The following LRPPRC variants were observed in gnomAD, a reference collection of about 807,000 sequenced individuals.
LRPPRC encodes the protein leucine-rich PPR motif-containing protein, mitochondrial.
In LRPPRC, 120 loss-of-function variants were observed where a neutral mutation model predicts 180.3. The ratio of observed to expected loss-of-function variants is 0.67; its 90% confidence interval spans 0.57 to 0.77. The LOEUF is 0.77. LRPPRC is among the 30% of genes least tolerant of loss of function. The pLI is 0.00. For synonymous variants in LRPPRC, 723 were observed against 600.0 expected, an observed-to-expected ratio of 1.21 and a Z score of -3.00; for missense variants, 2,012 against 1,657.2, an observed-to-expected ratio of 1.21 and a Z score of -3.72.
At position 43,974,316 on chromosome 2, in the gene LRPPRC, T is replaced by C. The variant is rs748744762; in HGVS notation, c.1010-21A>G. On this transcript the variant is annotated intron_variant, in intron 8 of 37. Coordinates refer to ENST00000260665, the MANE Select transcript of LRPPRC (RefSeq NM_133259.4). The stretch of plus-strand genomic sequence containing the variant: ...TGCATCTGGGAAGAAAACAAAGACA[T>C]CTTTTGTTAATAAACTGAACAATAT... The C allele has an allele frequency of 1.3e-6, 2 of 1,579,044 alleles. No individual in the cohort carries two copies. Among genetic ancestry groups the C allele is most frequent in the South Asian group, 2.2e-5 (2 of 90,282 alleles).
chr2:43,899,411 T>C (rs2104989595), intron 33 of LRPPRC, 55 bp downstream of exon 33: 5 of 1,612,322 alleles, frequency 3.1e-6, no homozygotes, highest in East Asian at 4.5e-5. Flanking sequence ...TTTGGTCTAG[T>C]CTCACTAGAG....
upstream of LRPPRC, among the ~76,000 whole-genome samples, chr2:43,996,189 C>T (rs527616047): frequency 6.6e-6 from 1 of 152,290 alleles, no homozygotes; most frequent in Non-Finnish European, 1.5e-5. Context: ...TTCCGTCTTC[C>T]GTCTCCGATC....
intron 12 of LRPPRC, among the ~76,000 whole-genome samples, chr2:43,963,019 G>C (rs1277539554): frequency 6.6e-6 from 1 of 152,144 alleles, no homozygotes; most frequent in African/African-American, 2.4e-5. Flanking sequence ...AGTTAATATT[G>C]TTTTAATTTT....
At position 43,950,728 on chromosome 2, in the gene LRPPRC, T is replaced by C. The variant is rs1572959581; in HGVS notation, c.1650-128A>G. On this transcript the variant is annotated intron_variant, in intron 14 of 37. Coordinates refer to ENST00000260665, the MANE Select transcript of LRPPRC (RefSeq NM_133259.4). ...TAAATGTTTGCTGTATCAGGATGAA[T>C]TTTCAGGACAAAGGTAATTTAGAAA... 9.5e-6 allele frequency: 7 copies of C among 734,344 alleles called. No homozygotes were observed. In the South Asian group the frequency reaches 1.1e-4, roughly 11 times the overall value. The allele number at this position is 734,344 out of a possible 1,614,324, so 45.5% of individuals were successfully genotyped here.
chr2:43,940,544 G>T (rs940185206), intron 23 of LRPPRC, among the ~76,000 whole-genome samples: 1 of 152,054 alleles, frequency 6.6e-6, no homozygotes, highest in African/African-American at 2.4e-5. Context: ...TACATATACA[G>T]ATTATAACAC....
At chr2:43,990,432 T>A (rs1365903807) in intron 1 of LRPPRC, among the ~76,000 whole-genome samples, 4 of 152,200 alleles carry the variant, frequency 2.6e-5, no homozygotes, top group African/African-American at 9.7e-5. Flanking sequence ...CACGTTCCTA[T>A]AATCTACATA....
chr2:43,981,606 G>A (rs560729539), intron 2 of LRPPRC, among the ~76,000 whole-genome samples: 3 of 151,508 alleles, frequency 2.0e-5, no homozygotes, highest in South Asian at 2.1e-4. Flanking sequence ...GCAGTGAGCC[G>A]AGATCGTACC....
chr2:43,914,263 A>C (rs73924092), intron 29 of LRPPRC, among the ~76,000 whole-genome samples: 2,981 of 152,184 alleles, frequency 0.02, 97 homozygotes, highest in African/African-American at 0.067. Flanking sequence ...TTAGCATTTT[A>C]ATATACCAAA....
At chr2:43,932,811 A>T (rs1380202454) in intron 25 of LRPPRC, among the ~76,000 whole-genome samples, 2 of 152,212 alleles carry the variant, frequency 1.3e-5, no homozygotes, top group Non-Finnish European at 2.9e-5. Context: ...TAACTTGTCC[A>T]TTATCACATA....
intron 27 of LRPPRC, among the ~76,000 whole-genome samples, chr2:43,920,804 C>T (rs1467398395): frequency 1.3e-5 from 2 of 151,964 alleles, no homozygotes; most frequent in Non-Finnish European, 2.9e-5. Flanking sequence ...CAGCTAGACA[C>T]AATACTGCTA....
At chr2:43,901,128 A>G (rs1381498337) in intron 32 of LRPPRC, among the ~76,000 whole-genome samples, 192 bp downstream of exon 32, 1 of 152,228 alleles carries the variant, frequency 6.6e-6, no homozygotes, top group African/African-American at 2.4e-5. Context: ...AATGCTGTTT[A>G]TTCTAAGATT....
Position 43,893,101 on chromosome 2 carries a change from G to A in LRPPRC, c.3985+1444C>T, listed in dbSNP as rs79928084. On this transcript the variant is annotated intron_variant, in intron 36 of 37. Coordinates refer to ENST00000260665, the MANE Select transcript of LRPPRC (RefSeq NM_133259.4). ...AGAAGGAGAAGTGGAGCGTGAAGAC[G>A]TGACTGAATTGCTACAATCTCATGA... Among the ~76,000 whole-genome samples the A allele has an allele frequency of 9.2e-3, 1,398 of 152,300 alleles. 21 individuals carry two copies. Among genetic ancestry groups the A allele is most frequent in the African/African-American group, 0.032 (1,319 of 41,550 alleles).
intron 31 of LRPPRC, chr2:43,904,061 G>T: frequency 6.6e-6 from 1 of 152,242 alleles, no homozygotes; most frequent in Admixed American, 6.5e-5. Context: ...TCCCACCTCT[G>T]CCTCCTGAGT....
rs1175228982 is a variant in LRPPRC at position 43,943,847 on chromosome 2, T to C, written c.2344A>G (p.Lys782Glu). The C allele has an allele frequency of 6.2e-7, 1 of 1,613,328 alleles. No homozygotes were observed. The highest frequency in any genetic ancestry group is 8.5e-7 in the Non-Finnish European group (1 of 1,179,360). Reference protein sequence around the residue: ...KEMKEKDVLIKDTTALSFFHM... With the variant: ...KEMKEKDVLIEDTTALSFFHM... The stretch of plus-strand genomic sequence containing the variant: ...AAAAAGGACAAGGCTGTTGTATCTT[T>C]GATAAGAACATCCTTCTCTTTCATC... Residue 782 changes from lysine (K) to glutamate (E), a missense_variant, in exon 23 of 38, where the codon AAA becomes GAA. Transcript: ENST00000260665.
intron 27 of LRPPRC, among the ~76,000 whole-genome samples, chr2:43,924,034 A>G (rs559851640): frequency 1.3e-5 from 2 of 152,334 alleles, no homozygotes; most frequent in East Asian, 3.9e-4. Flanking sequence ...ATGTATTTCA[A>G]TACAACCAAA....
chr2:43,993,752 C>A (rs531697237), intron 1 of LRPPRC, among the ~76,000 whole-genome samples: 7 of 148,098 alleles, frequency 4.7e-5, no homozygotes, highest in East Asian at 3.9e-4. Flanking sequence ...AAAAAAAAAA[C>A]CAGAGAAATA....
intron 37 of LRPPRC, 62 bp from the exon 38 acceptor site, chr2:43,888,718 T>TA (rs1302272838): frequency 5.7e-6 from 5 of 877,976 alleles, no homozygotes; most frequent in Non-Finnish European, 9.7e-6. Context: ...GTACATAACT[T>TA]AAAAAATCAT....
chr2:43,973,826 G>A lies in LRPPRC; in HGVS notation c.1230C>T (p.Thr410=), dbSNP rs1559040370. Residue 410 remains threonine, a synonymous_variant, in exon 10 of 38, where the codon ACC becomes ACT. Coordinates refer to ENST00000260665, the MANE Select transcript of LRPPRC (RefSeq NM_133259.4). ...VQMHSFPLQF[T]LHCALLANKT... ...TATTGGCGAGTAAAGCACAATGGAG[G>A]GTGAACTGCAGAGGAAAGGAGTGCA... The A allele has an allele frequency of 1.9e-6, 3 of 1,613,744 alleles. No homozygotes were observed. Among genetic ancestry groups the A allele is most frequent in the South Asian group, 2.2e-5 (2 of 91,072 alleles).
rs779400935 is a variant in LRPPRC, at chr2:43,977,089, T to C, written c.592-37A>G. On this transcript the variant is annotated intron_variant, in intron 4 of 37. Transcript: ENST00000260665. ...ATGGGCCAGTTAATTTTAAATATAC[T>C]TTTTTTTCTGAGTAAAGAAAAAAAA... 3.1e-6 allele frequency: 5 copies of C among 1,604,052 alleles called. No homozygotes were observed. The highest frequency in any genetic ancestry group is 3.3e-5 in the Admixed American group (2 of 59,926).
Sources: gnomAD v4.1 joint callset for allele counts (sites outside exome capture counted in the v4.1 genomes callset) on GRCh38, gnomAD v4.1.1 for gene constraint, MANE v1.5 for transcripts, NCBI Gene and HGNC (gene_info 2026-07-23, HGNC 2026-07-21) for gene names.